The following NCKAP5 variants were observed in gnomAD, a reference collection of about 807,000 sequenced individuals.
NCKAP5 encodes the protein nck-associated protein 5.
NCKAP5 carries 92 observed loss-of-function variants against 167.0 expected under a neutral mutation model. The ratio of observed to expected loss-of-function variants is 0.55; its 90% CI spans 0.47 to 0.66. The LOEUF is 0.66. Ranked by LOEUF, NCKAP5 falls within the 30% of genes least tolerant of loss-of-function variation. The pLI is 0.00. For synonymous variants in NCKAP5, 891 were observed against 877.4 expected (o/e 1.02, Z -0.27); for missense variants, 2,378 against 2,315.0 (o/e 1.03, Z -0.56).
At chr2:133,554,103 C>G (rs893770979) in intron 2 of NCKAP5, among the ~76,000 whole-genome samples, 3 of 152,154 alleles carry the variant, frequency 2.0e-5, no homozygotes, top group Admixed American at 6.5e-5. Flanking sequence ...TTCTTCGAGG[C>G]CAGCAGCAGA....
intron 7 of NCKAP5, among the ~76,000 whole-genome samples, chr2:132,978,975 G>A (rs1442139619): frequency 6.6e-6 from 1 of 152,058 alleles, no homozygotes; most frequent in Non-Finnish European, 1.5e-5. Flanking sequence ...TATGGTTTGG[G>A]CCACTCTAGA....
the NCKAP5 span, among the ~76,000 whole-genome samples, chr2:133,611,042 C>T: frequency 6.6e-6 from 1 of 151,848 alleles, no homozygotes. Context: ...CTTTTCAGTT[C>T]TTAGAAACAT....
chr2:132,995,268 G>A (rs1559031390), intron 6 of NCKAP5, among the ~76,000 whole-genome samples: 2 of 152,106 alleles, frequency 1.3e-5, no homozygotes, highest in Non-Finnish European at 2.9e-5. Flanking sequence ...TGCTTGTAAT[G>A]ACATTTATCT....
At chr2:132,794,069 G>A (rs1684293349) in intron 12 of NCKAP5, among the ~76,000 whole-genome samples, 1 of 151,388 alleles carries the variant, frequency 6.6e-6, no homozygotes, top group East Asian at 1.9e-4. Context: ...GAAAATTACT[G>A]AACCCCTCTG....
At chr2:133,366,340 T>C (rs1254890346) in intron 3 of NCKAP5, among the ~76,000 whole-genome samples, 3 of 152,196 alleles carry the variant, frequency 2.0e-5, no homozygotes, top group Admixed American at 1.3e-4. Flanking sequence ...TCTTGCTCTG[T>C]TGCCCAGGCT....
chr2:133,421,786 T>G (rs1195449675), intron 3 of NCKAP5, among the ~76,000 whole-genome samples: 3 of 152,208 alleles, frequency 2.0e-5, no homozygotes, highest in African/African-American at 2.4e-5. Context: ...CTTACTTTCC[T>G]CTTTCTGAAC....
chr2:132,896,476 A>G (rs1417875599), intron 8 of NCKAP5, among the ~76,000 whole-genome samples: 1 of 152,162 alleles, frequency 6.6e-6, no homozygotes, highest in Non-Finnish European at 1.5e-5. Context: ...AGATATTTCT[A>G]AGCAGTTAGG....
chr2:132,697,172 G>GC (rs5834327), intron 19 of NCKAP5, among the ~76,000 whole-genome samples: 152,343 of 152,344 alleles, frequency 1, 76,171 homozygotes, highest in Non-Finnish European at 1. Context: ...ACAGGCATGG[G>GC]CACTGCGCCG....
chr2:133,484,253 G>A (rs1680710661), intron 3 of NCKAP5, among the ~76,000 whole-genome samples: 1 of 152,172 alleles, frequency 6.6e-6, no homozygotes, highest in Non-Finnish European at 1.5e-5. Context: ...GATTGAGTCA[G>A]AAAACTGGAG....
intron 2 of NCKAP5, among the ~76,000 whole-genome samples, chr2:133,540,198 G>T (rs760328020): frequency 3.3e-5 from 5 of 151,970 alleles, no homozygotes; most frequent in Non-Finnish European, 7.4e-5. Context: ...AAAAGAAAAA[G>T]AAAAATGCTA....
At chr2:133,419,520 C>G (rs752355270) in intron 3 of NCKAP5, among the ~76,000 whole-genome samples, 3 of 152,138 alleles carry the variant, frequency 2.0e-5, no homozygotes, top group Non-Finnish European at 4.4e-5. Flanking sequence ...AGTACATGAG[C>G]CTACAGCTGG....
intron 4 of NCKAP5, among the ~76,000 whole-genome samples, chr2:133,224,639 C>G (rs1487566075): frequency 6.6e-6 from 1 of 152,148 alleles, no homozygotes; most frequent in African/African-American, 2.4e-5. Context: ...CTTTCATCCT[C>G]AAATTTTTGA....
At chr2:132,776,764 A>G (rs1682588017) in intron 15 of NCKAP5, among the ~76,000 whole-genome samples, 1 of 152,148 alleles carries the variant, frequency 6.6e-6, no homozygotes, top group Non-Finnish European at 1.5e-5. Flanking sequence ...TCCCCTTGCT[A>G]ATTATATTTT....
intron 2 of NCKAP5, among the ~76,000 whole-genome samples, chr2:133,549,184 C>G (rs1687041415): frequency 6.6e-6 from 1 of 151,522 alleles, no homozygotes; most frequent in Non-Finnish European, 1.5e-5. Context: ...GCTAACTATC[C>G]TAAATATATA....
intron 8 of NCKAP5, among the ~76,000 whole-genome samples, chr2:132,932,691 G>C (rs1376592536): frequency 6.6e-6 from 1 of 152,048 alleles, no homozygotes; most frequent in African/African-American, 2.4e-5. Flanking sequence ...CACAAAAGGG[G>C]AAACATACTA....
At chr2:133,025,180 T>C (rs2078655104) in intron 6 of NCKAP5, among the ~76,000 whole-genome samples, 1 of 152,230 alleles carries the variant, frequency 6.6e-6, no homozygotes, top group Non-Finnish European at 1.5e-5. Flanking sequence ...GTGGTTGAAG[T>C]ATGATGTTGC....
At chr2:133,179,738 G>A (rs113274709) in intron 5 of NCKAP5, among the ~76,000 whole-genome samples, 3,291 of 152,162 alleles carry the variant, frequency 0.022, 43 homozygotes, top group Middle Eastern at 0.034. Flanking sequence ...GGGCTCAATC[G>A]TAGCATGGAG....
At chr2:133,298,439 A>C (rs1324146812) in intron 4 of NCKAP5, among the ~76,000 whole-genome samples, 1 of 152,208 alleles carries the variant, frequency 6.6e-6, no homozygotes, top group Non-Finnish European at 1.5e-5. Context: ...GTAACTGTAC[A>C]GAAAATTCTA....
Position 132,714,812 on chromosome 2 carries a change from CAAAAAA to C in NCKAP5, c.5713+10809_5713+10814del, listed in dbSNP as rs11329925. 1.6e-5 allele frequency: 6 copies of C among 373,816 alleles called. No homozygotes were observed. In the East Asian group the frequency reaches 2.5e-4, roughly 16 times the overall value. The allele number at this position is 373,816 out of a possible 1,614,324, so 23.2% of individuals were successfully genotyped here. A position where few individuals can be genotyped will look rare whatever the true frequency, so the allele number is the denominator to read the frequency against. On this transcript the variant is annotated intron_variant, in intron 19 of 19. Coordinates refer to ENST00000409261, the MANE Select transcript of NCKAP5 (RefSeq NM_207363.3). ...TGGGTGACAGAGTGAGAATCCATCT[CAAAAAA>C]AAAAAAAAAAAATCAGTTAATGACA... is the stretch of plus-strand genomic sequence containing the variant.
Sources: gnomAD v4.1 joint callset for allele counts (sites outside exome capture counted in the v4.1 genomes callset) on GRCh38, gnomAD v4.1.1 for gene constraint, MANE v1.5 for transcripts, NCBI Gene and HGNC (gene_info 2026-07-23, HGNC 2026-07-21) for gene names.